CCDC190: variants seen among roughly 807,000 people sequenced by gnomAD.
CCDC190 encodes coiled-coil domain-containing protein 190.
In CCDC190, 10 loss-of-function variants were observed where a neutral mutation model predicts 13.1. The ratio of observed to expected loss-of-function variants is 0.77; its 90% confidence interval spans 0.47 to 1.30. The LOEUF is 1.30. CCDC190 is among the 50% of genes most tolerant of loss of function. The pLI, the probability that CCDC190 is intolerant of heterozygous loss-of-function variation, is 0.00. For synonymous variants in CCDC190, 136 were observed against 127.2 expected (o/e 1.07, Z -0.47); for missense variants, 375 against 354.3 (o/e 1.06, Z -0.47).
Position 162,855,372 on chromosome 1 carries a change from A to G in CCDC190, c.312-13T>C, listed in dbSNP as rs528220353. ...GGTTGCCAATGCTCTGAGAAAGGAC[A>G]TAAAAGAAAGATCTCTGAAAACCAA... On this transcript the variant is annotated splice_polypyrimidine_tract_variant and intron_variant, in intron 3 of 3. Coordinates refer to ENST00000367912, the MANE Select transcript of CCDC190 (RefSeq NM_001394065.1). 67 of 1,578,460 alleles carry G rather than the reference A, an allele frequency of 4.2e-5. 2 individuals are homozygous for G. In the South Asian group the frequency reaches 7.4e-4, roughly 17 times the overall value.
At chr1:162,857,385 C>T (rs539882545) in intron 2 of CCDC190, among the ~76,000 whole-genome samples, 44 of 152,318 alleles carry the variant, frequency 2.9e-4, no homozygotes, top group African/African-American at 8.2e-4. Flanking sequence ...AGGGTGAACT[C>T]TCAACTCTTT....
chr1:162,862,738 C>T (rs79436304), upstream of CCDC190, among the ~76,000 whole-genome samples: 2,539 of 152,264 alleles, frequency 0.017, 74 homozygotes, highest in African/African-American at 0.057. Context: ...AAGATCTCTG[C>T]CTCCTCTATT....
intron 2 of CCDC190, among the ~76,000 whole-genome samples, chr1:162,857,579 G>A (rs961389668): frequency 1.3e-5 from 2 of 152,144 alleles, no homozygotes; most frequent in Non-Finnish European, 2.9e-5. Context: ...TCCTTCTGCT[G>A]GGAGTGGCCC....
upstream of CCDC190, among the ~76,000 whole-genome samples, chr1:162,865,252 T>G (rs1463320510): frequency 6.6e-6 from 1 of 152,040 alleles, no homozygotes; most frequent in African/African-American, 2.4e-5. Flanking sequence ...CAAAAACGAA[T>G]AGAATTACAT....
intron 2 of CCDC190, among the ~76,000 whole-genome samples, chr1:162,857,758 G>A (rs1650355316): frequency 2.0e-5 from 3 of 152,112 alleles, no homozygotes; most frequent in African/African-American, 7.2e-5. Context: ...TCAATTAGCA[G>A]TTTTGATCAT....
At chr1:162,856,724 C>T (rs1015730069) in intron 2 of CCDC190, among the ~76,000 whole-genome samples, 5 of 152,140 alleles carry the variant, frequency 3.3e-5, no homozygotes, top group African/African-American at 1.2e-4. Context: ...GGGAATATGA[C>T]CAGATAGGGA....
Position 162,854,705 on chromosome 1 carries a change from T to C in CCDC190, c.*60A>G. 3 of 1,525,970 alleles carry C rather than the reference T, an allele frequency of 2.0e-6. No homozygotes were observed. Among genetic ancestry groups the C allele is most frequent in the Admixed American group, 4.3e-5 (2 of 46,812 alleles). 94.5% of individuals were successfully genotyped at this position (1,525,970 alleles called of 1,614,324 possible). A position where few individuals can be genotyped will look rare whatever the true frequency, so the allele number is the denominator to read the frequency against. On this transcript the variant is annotated 3_prime_UTR_variant, in exon 4 of 4. Transcript: ENST00000367912. ...TCTCTGTATTGCTTAATATAGTCAT[T>C]TGAGGAACACATTTCCTTAGCAATA...
exon 1 of CCDC190, chr1:162,868,730 G>GGAGAAACTGAAGGC (rs1553191702): frequency 7.9e-5 from 12 of 152,624 alleles, no homozygotes; most frequent in Non-Finnish European, 1.0e-4. Context: ...GGGGCTCACT[G>GGAGAAACTGAAGGC]CATCTCCTAG....
chr1:162,865,577 A>T (rs1650675433), upstream of CCDC190, among the ~76,000 whole-genome samples: 1 of 152,190 alleles, frequency 6.6e-6, no homozygotes, highest in Admixed American at 6.5e-5. Flanking sequence ...AAGGTTAAGT[A>T]ATTTATAAGA....
exon 1 of CCDC190, chr1:162,868,729 T>TGGAGAAACTGAAGGCCTCTTTGTGGGAG (rs369106791): frequency 6.6e-6 from 1 of 152,442 alleles, no homozygotes; most frequent in Non-Finnish European, 1.5e-5. Context: ...GGGGGCTCAC[T>TGGAGAAACTGAAGGCCTCTTTGTGGGAG]GCATCTCCTA....
chr1:162,867,716 T>C lies in CCDC190; in HGVS notation c.-13+937A>G, dbSNP rs1481041813. On this transcript the variant is annotated intron_variant, in intron 1 of 3. Transcript: ENST00000367910. ...ATCAACAAGTGAACTGATAAACAAA[T>C]TGTGGTTCATCCATACAATGGAATA... Among the ~76,000 whole-genome samples the C allele has an allele frequency of 2.0e-5, 3 of 152,164 alleles. No homozygotes were observed. In the East Asian group the frequency reaches 5.8e-4, roughly 29 times the overall value.
chr1:162,855,279 T>A lies in CCDC190; in HGVS notation c.392A>T (p.Asp131Val). 1 of 1,613,818 alleles carries A rather than the reference T, an allele frequency of 6.2e-7. No homozygotes were observed. Among genetic ancestry groups the A allele is most frequent in the Non-Finnish European group, 8.5e-7 (1 of 1,179,856 alleles). The change falls in exon 4 of 4, where the codon GAC becomes GTC. Residue 131 changes from aspartate to valine, a missense_variant. Asp to Val is a radical substitution (Grantham distance 152). Coordinates refer to ENST00000367912, the MANE Select transcript of CCDC190 (RefSeq NM_001394065.1). ...TGGCTGCTTTTTGCTCTTCATGGGGTCTTTGAGGCCAGCATCATGTGAAGG... is the reference window on the plus strand; with the variant it reads ...TGGCTGCTTTTTGCTCTTCATGGGGACTTTGAGGCCAGCATCATGTGAAGG... Reference protein sequence around the residue: ...VPPSHDAGLKDPMKSKKQPLS... With the variant: ...VPPSHDAGLKVPMKSKKQPLS...
chr1:162,861,791 C>G (rs1272438709), upstream of CCDC190, among the ~76,000 whole-genome samples: 3 of 152,142 alleles, frequency 2.0e-5, no homozygotes, highest in South Asian at 4.1e-4. Context: ...GGGATTTTTA[C>G]TGTTGCCTTG....
At chr1:162,865,980 TAGTA>T (rs1557811279), upstream of CCDC190, among the ~76,000 whole-genome samples, 1 of 152,096 alleles carries the variant, frequency 6.6e-6, no homozygotes, top group African/African-American at 2.4e-5. Context: ...GTGGAGAAAA[TAGTA>T]AGGCACTTAT....
At chr1:162,859,409 T>C (rs570569712) in intron 2 of CCDC190, 51 bp downstream of exon 2, 2 of 1,529,778 alleles carry the variant, frequency 1.3e-6, no homozygotes, top group East Asian at 4.5e-5. Context: ...ATGGGCCTGC[T>C]GCCCTGCTGT....
chr1:162,855,460 AGGTAATATAGGTG>A (rs1372015072), intron 3 of CCDC190, 101 bp from the exon 4 acceptor site: 1 of 1,465,110 alleles, frequency 6.8e-7, no homozygotes, highest in African/African-American at 1.4e-5. Context: ...GTATCGGCCA[AGGTAATATAGGTG>A]GGAATGGGGT....
chr1:162,867,537 A>C (rs1650750046), intron 1 of CCDC190, among the ~76,000 whole-genome samples: 1 of 152,204 alleles, frequency 6.6e-6, no homozygotes, highest in African/African-American at 2.4e-5. Context: ...TTTCTTACAA[A>C]ATTCAACATA....
At chr1:162,864,350 G>A (rs1362467886), upstream of CCDC190, among the ~76,000 whole-genome samples, 2 of 152,038 alleles carry the variant, frequency 1.3e-5, no homozygotes, top group African/African-American at 4.8e-5. Context: ...TTCAACAACA[G>A]ACCTACAGTT....
chr1:162,857,419 T>TGATTG (rs60384112), intron 2 of CCDC190, among the ~76,000 whole-genome samples: 141 of 152,320 alleles, frequency 9.3e-4, no homozygotes, highest in African/African-American at 3.3e-3. Flanking sequence ...AAGCCATTCA[T>TGATTG]GATTGGATTG....
Sources: allele counts gnomAD v4.1 joint callset (sites outside exome capture counted in the v4.1 genomes callset), GRCh38; gene constraint gnomAD v4.1.1; transcripts MANE v1.5; gene names NCBI Gene and HGNC (gene_info 2026-07-23, HGNC 2026-07-21).